The following CMPK2 variants were observed in gnomAD, a reference collection of about 807,000 sequenced individuals.
CMPK2 encodes the protein UMP-CMP kinase 2, mitochondrial.
Under a neutral mutation model 33.4 loss-of-function variants are expected in CMPK2, and 32 were observed. The observed-to-expected ratio is 0.96, with a 90% CI of 0.72 to 1.29. The LOEUF is 1.29. Among genes scored for constraint, CMPK2 ranks in the 50% most tolerant of loss-of-function variants. The pLI is 0.00. For synonymous variants in CMPK2, 299 were observed against 275.3 expected, an observed-to-expected ratio of 1.09 and a Z score of -0.85; for missense variants, 672 against 616.0, an observed-to-expected ratio of 1.09 and a Z score of -0.96.
At chr2:6,850,078 A>T in intron 4 of CMPK2, 105 bp from the exon 5 acceptor site, 1 of 811,840 alleles carries the variant, frequency 1.2e-6, no homozygotes, top group Non-Finnish European at 2.0e-6. Flanking sequence ...CAAGCTTCCC[A>T]TGTCATTTAT....
rs746481321 is a variant in CMPK2 at position 6,851,604 on chromosome 2, G to A, written c.1072C>T (p.Pro358Ser). ...AGGTCCTCTGGCCACTGGTACACAG[G>A]GTGATGGGCTGGGGGCAGGTGCTGG... ...GLQHLPPAHHPVYQWPEDLLK... is the reference protein window; with the variant it reads ...GLQHLPPAHHSVYQWPEDLLK... The change falls in exon 4 of 5, where the codon CCT (proline) becomes TCT (serine). Residue 358 changes from proline to serine, a missense_variant. By Grantham distance (74) the Pro-to-Ser change is moderately conservative (BLOSUM62 -1). Coordinates refer to ENST00000256722, the MANE Select transcript of CMPK2 (RefSeq NM_207315.4). 20 of 1,614,062 alleles carry A rather than the reference G, an allele frequency of 1.2e-5. No homozygotes were observed. The highest frequency in any genetic ancestry group is 3.3e-5 in the Admixed American group (2 of 60,004).
chr2:6,847,810 G>A (rs563618640), downstream of CMPK2, among the ~76,000 whole-genome samples: 6 of 152,188 alleles, frequency 3.9e-5, no homozygotes, highest in East Asian at 1.9e-4. Context: ...CTAGCCAGTC[G>A]CCCACCTCCA....
chr2:6,840,684 G>A, intron 3 of CMPK2: 2 of 702,074 alleles, frequency 2.8e-6, no homozygotes, highest in Non-Finnish European at 5.2e-6. Context: ...GGGACCTAGA[G>A]AGGGGAAAAG....
In CMPK2 at chr2:6,865,671, C is replaced by T. The variant is rs753593649; in HGVS notation, c.26G>A (p.Arg9His). ...GAGCAGCGGCCCCGACAGTGGCCCG[C>T]GCAGGAGCCGGCGGGCGAAGGCCAT... MAFARRLL[R>H]GPLSGPLLGR... Residue 9 changes from arginine (R) to histidine (H), a missense_variant, in exon 1 of 5, where the codon CGC becomes CAC. Arg to His is a conservative substitution (Grantham distance 29). Coordinates refer to ENST00000256722, the MANE Select transcript of CMPK2 (RefSeq NM_207315.4). 85 of 1,306,846 alleles carry T rather than the reference C, an allele frequency of 6.5e-5. No individual in the cohort carries two copies. Among genetic ancestry groups the T allele is most frequent in the Non-Finnish European group, 8.0e-5 (83 of 1,035,824 alleles). The allele number at this position is 1,306,846 out of a possible 1,614,324, so 81.0% of individuals were successfully genotyped here.
intron 3 of CMPK2, among the ~76,000 whole-genome samples, chr2:6,855,689 T>C (rs964504723): frequency 1.3e-5 from 2 of 152,162 alleles, no homozygotes; most frequent in Admixed American, 6.5e-5. Flanking sequence ...GTTATCCCCA[T>C]TGCCATCCCT....
intron 2 of CMPK2, 111 bp downstream of exon 2, chr2:6,863,353 A>G: frequency 1.2e-6 from 1 of 830,894 alleles, no homozygotes; most frequent in South Asian, 1.6e-5. Flanking sequence ...GCCACACAGT[A>G]GGGGCACACA....
intron 3 of CMPK2, among the ~76,000 whole-genome samples, chr2:6,853,233 AG>A (rs1662578813): frequency 6.6e-6 from 1 of 152,192 alleles, no homozygotes; most frequent in African/African-American, 2.4e-5. Flanking sequence ...TACAGGCGTG[AG>A]GTACCATGCC....
intron 3 of CMPK2, among the ~76,000 whole-genome samples, chr2:6,842,326 G>C (rs1441244657): frequency 6.6e-6 from 1 of 152,202 alleles, no homozygotes; most frequent in Non-Finnish European, 1.5e-5. Context: ...CTTAATATTT[G>C]AGGAGGCGAT....
intron 2 of CMPK2, among the ~76,000 whole-genome samples, 164 bp from the exon 3 acceptor site, chr2:6,861,549 C>T (rs779496764): frequency 6.6e-6 from 1 of 152,136 alleles, no homozygotes; most frequent in African/African-American, 2.4e-5. Flanking sequence ...AGGATTTCTC[C>T]GTGTGGTATT....
intron 4 of CMPK2, 158 bp downstream of exon 4, chr2:6,851,292 G>A: frequency 2.0e-6 from 3 of 1,465,552 alleles, no homozygotes; most frequent in Non-Finnish European, 2.7e-6. Flanking sequence ...GTGGTGACAA[G>A]CCCATTGGAA....
chr2:6,840,797 C>G, intron 3 of CMPK2: 6 of 645,270 alleles, frequency 9.3e-6, no homozygotes, highest in Non-Finnish European at 1.4e-5. Context: ...CCTGCTAGAA[C>G]TGGGCCAGGG....
intron 3 of CMPK2, among the ~76,000 whole-genome samples, chr2:6,858,371 G>A (rs942547307): frequency 6.6e-6 from 1 of 151,816 alleles, no homozygotes; most frequent in Non-Finnish European, 1.5e-5. Context: ...CTCATCTTAT[G>A]TATTATTTTA....
intron 2 of CMPK2, 126 bp downstream of exon 2, chr2:6,863,338 G>A (rs1662936352): frequency 2.8e-6 from 2 of 726,686 alleles, no homozygotes; most frequent in Admixed American, 2.4e-5. Context: ...CCTAGCACAG[G>A]GCCTGCCACA....
chr2:6,848,692 A>G lies in CMPK2; in HGVS notation c.*1158T>C, dbSNP rs1393950465. On this transcript the variant is annotated 3_prime_UTR_variant, in exon 5 of 5. Coordinates refer to ENST00000256722, the MANE Select transcript of CMPK2 (RefSeq NM_207315.4). ...AATGGTAGATAGGATAAAATAATTT[A>G]CAGATTTATCTGCCTTTGAACTGGA... 3 of 984,900 alleles carry G rather than the reference A, an allele frequency of 3.0e-6. No individual in the cohort carries two copies. The highest frequency in any genetic ancestry group is 3.6e-6 in the Non-Finnish European group (3 of 829,138). 61.0% of individuals were successfully genotyped at this position (984,900 alleles called of 1,614,324 possible).
chr2:6,847,460 T>G (rs1173294353), downstream of CMPK2, among the ~76,000 whole-genome samples: 2 of 152,230 alleles, frequency 1.3e-5, no homozygotes, highest in Admixed American at 6.5e-5. Context: ...TTTATCTGAA[T>G]GGGCCAGAGG....
At chr2:6,857,760 C>T (rs936541012) in intron 3 of CMPK2, among the ~76,000 whole-genome samples, 1 of 151,376 alleles carries the variant, frequency 6.6e-6, no homozygotes, top group African/African-American at 2.4e-5. Context: ...CTCAGCCTCC[C>T]GAGTAGCTGG....
intron 3 of CMPK2, among the ~76,000 whole-genome samples, chr2:6,856,922 A>C (rs1221416595): frequency 2.0e-5 from 3 of 152,202 alleles, no homozygotes; most frequent in Non-Finnish European, 2.9e-5. Flanking sequence ...GATGGGCTTT[A>C]GGTTTTTCAA....
upstream of CMPK2, chr2:6,866,313 A>C: frequency 3.4e-5 from 17 of 499,520 alleles, no homozygotes; most frequent in South Asian, 8.1e-5. Context: ...CTAATCCTGC[A>C]GAGCTGCTTT....
intron 3 of CMPK2, among the ~76,000 whole-genome samples, chr2:6,842,572 T>C (rs1329569708): frequency 6.6e-6 from 1 of 152,242 alleles, no homozygotes; most frequent in East Asian, 1.9e-4. Context: ...CTCCCAAAGC[T>C]ATCCCCTTCC....
Sources: gnomAD v4.1 joint callset for allele counts (sites outside exome capture counted in the v4.1 genomes callset) on GRCh38, gnomAD v4.1.1 for gene constraint, MANE v1.5 for transcripts, NCBI Gene and HGNC (gene_info 2026-07-23, HGNC 2026-07-21) for gene names.